The following NEXN variants were observed in gnomAD, a reference collection of about 807,000 sequenced individuals.
The protein encoded by NEXN is nexilin.
In NEXN, 65 loss-of-function variants were observed where a neutral mutation model predicts 92.6. The observed-to-expected ratio is 0.70, with a 90% CI of 0.57 to 0.86. The LOEUF (loss-of-function observed/expected upper bound fraction) is 0.86. Ranked by LOEUF, NEXN falls within the 40% of genes least tolerant of loss-of-function variation. The pLI is 0.00. For missense variants in NEXN, 778 were observed against 771.1 expected, an observed-to-expected ratio of 1.01 and a Z score of -0.11; for synonymous variants, 254 against 242.5, an observed-to-expected ratio of 1.05 and a Z score of -0.44.
chr1:77,908,110 C>T (rs1385167567), intron 1 of NEXN, among the ~76,000 whole-genome samples: 1 of 152,074 alleles, frequency 6.6e-6, no homozygotes, highest in Non-Finnish European at 1.5e-5. Flanking sequence ...CAGTCTCATG[C>T]TTTGTTGCCC....
At chr1:77,927,111 C>T (rs1344570629) in intron 8 of NEXN, among the ~76,000 whole-genome samples, 1 of 152,026 alleles carries the variant, frequency 6.6e-6, no homozygotes, top group Non-Finnish European at 1.5e-5. Context: ...CACCTGAGGT[C>T]AGGAGTTTGA....
In NEXN at chr1:77,926,717, A is replaced by G. The variant is rs1557982088; in HGVS notation, c.689A>G (p.Asp230Gly). ...KEAKCLSLVM[D>G]DEIESEAKKE... ...TGGGTTTTCATAACGTTTTCTTAGG[A>G]TGATGAAATAGAAAGTGAAGCAAAA... Residue 230 changes from aspartate to glycine, a missense_variant and splice_region_variant, in exon 8 of 13, where the codon GAT becomes GGT. By Grantham distance (94) the Asp-to-Gly change is moderately conservative. Around this residue, in one of 3 missense-constraint regions of NEXN, gnomAD observed 236 missense variants for 265.6 expected, o/e 0.89. Transcript: ENST00000334785. 1 of 1,613,898 alleles carries G rather than the reference A, an allele frequency of 6.2e-7. No individual in the cohort carries two copies. Among genetic ancestry groups the G allele is most frequent in the Non-Finnish European group, 8.5e-7 (1 of 1,179,942 alleles).
intron 5 of NEXN, among the ~76,000 whole-genome samples, 181 bp downstream of exon 5, chr1:77,918,454 G>A (rs1353742950): frequency 6.6e-6 from 1 of 151,996 alleles, no homozygotes; most frequent in Non-Finnish European, 1.5e-5. Flanking sequence ...AAGCTGGGTG[G>A]ATCGCTTCGA....
At chr1:77,923,404 A>G (rs1177619147) in intron 5 of NEXN, among the ~76,000 whole-genome samples, 1 of 152,140 alleles carries the variant, frequency 6.6e-6, no homozygotes, top group Admixed American at 6.5e-5. Context: ...AGGGTACAAC[A>G]AAATTCCCTT....
At position 77,942,488 on chromosome 1, in the gene NEXN, G is replaced by A. The variant is rs1060499571; in HGVS notation, c.1687G>A (p.Gly563Ser). ...AAGAGAAGAGGAGGAGGAGGAAGAAGGTAGCATCATGAATGGCTCCACTGC... is the reference window on the plus strand; with the variant it reads ...AAGAGAAGAGGAGGAGGAGGAAGAAAGTAGCATCATGAATGGCTCCACTGC... ...KKREEEEEEEGSIMNGSTAED... is the reference protein window; with the variant it reads ...KKREEEEEEESSIMNGSTAED... Residue 563 changes from glycine to serine, a missense_variant, in exon 13 of 13, where the codon GGT becomes AGT. Gly to Ser is a moderately conservative substitution (Grantham distance 56). Around this residue, in one of 3 missense-constraint regions of NEXN, gnomAD observed 532 missense variants for 476.7 expected, o/e 1.12. Transcript: ENST00000334785. The A allele has an allele frequency of 6.2e-7, 1 of 1,613,804 alleles. No individual in the cohort carries two copies. The highest frequency in any genetic ancestry group is 8.5e-7 in the Non-Finnish European group (1 of 1,179,828).
At chr1:77,911,541 G>A (rs1005645716) in intron 1 of NEXN, among the ~76,000 whole-genome samples, 8 of 151,938 alleles carry the variant, frequency 5.3e-5, no homozygotes, top group Non-Finnish European at 1.0e-4. Context: ...GCAGTGAGCC[G>A]AGATTGCACC....
chr1:77,927,788 G>A (rs563547239), intron 8 of NEXN, among the ~76,000 whole-genome samples: 8 of 151,522 alleles, frequency 5.3e-5, no homozygotes, highest in African/African-American at 1.9e-4. Context: ...TGGTAAAAAT[G>A]AAAGCGCCTA....
In NEXN at chr1:77,943,029, T is replaced by C. The variant is rs536868652; in HGVS notation, c.*200T>C. 3.1e-6 allele frequency: 2 copies of C among 639,452 alleles called. No homozygotes were observed. The highest frequency in any genetic ancestry group is 1.6e-5 in the South Asian group (1 of 62,626). The allele number at this position is 639,452 out of a possible 1,614,324, so 39.6% of individuals were successfully genotyped here. On this transcript the variant is annotated 3_prime_UTR_variant, in exon 13 of 13. Transcript: ENST00000334785. ...GGAGTGCCACTATGCTGACTTCTTA[T>C]TCCTTTTCATAACAGTCTTCAAAGC...
intron 5 of NEXN, among the ~76,000 whole-genome samples, chr1:77,919,664 A>G (rs961025606): frequency 1.3e-5 from 2 of 150,742 alleles, no homozygotes; most frequent in Non-Finnish European, 2.9e-5. Context: ...GCTCGGTGCA[A>G]TCTTGGCTCA....
chr1:77,937,734 C>T (rs1347950582), intron 11 of NEXN, among the ~76,000 whole-genome samples: 1 of 152,094 alleles, frequency 6.6e-6, no homozygotes, highest in Admixed American at 6.6e-5. Context: ...TGAATGACTA[C>T]TATGTTCCAG....
chr1:77,911,950 G>A (rs1426315758), intron 1 of NEXN, among the ~76,000 whole-genome samples: 1 of 150,644 alleles, frequency 6.6e-6, no homozygotes, highest in Non-Finnish European at 1.5e-5. Context: ...GTGGTGGCAC[G>A]CACCTGTAGT....
Position 77,942,818 on chromosome 1 carries a change from A to G in NEXN, c.2017A>G (p.Ser673Gly), listed in dbSNP as rs1651500018. ...TAGTACCTGTATTCTTACCATTGAA[A>G]GTAAGAATTAATCACTCTTTTTATC... ...AASTCILTIE[S>G]KN is the part of the protein sequence containing the mutation. The change falls in exon 13 of 13, where the codon AGT becomes GGT. Residue 673 changes from serine to glycine, a missense_variant. Physicochemically the swap from Ser to Gly is moderately conservative, Grantham distance 56 (BLOSUM62 0). This residue lies in a region of NEXN where 532 missense variants were observed against 476.7 expected (regional missense o/e 1.12). Transcript: ENST00000334785. 1 of 1,600,304 alleles carries G rather than the reference A, an allele frequency of 6.2e-7. No homozygotes were observed. The highest frequency in any genetic ancestry group is 8.6e-7 in the Non-Finnish European group (1 of 1,168,410).
At chr1:77,917,817 G>T (rs1475228086) in intron 3 of NEXN, 60 bp downstream of exon 3, 4 of 1,488,326 alleles carry the variant, frequency 2.7e-6, no homozygotes, top group Non-Finnish European at 2.8e-6. Context: ...CATTTAAATT[G>T]TATTTATTCA....
chr1:77,929,168 C>T, intron 8 of NEXN, 148 bp from the exon 9 acceptor site: 2 of 604,156 alleles, frequency 3.3e-6, no homozygotes, highest in South Asian at 2.1e-5. Context: ...TCATAGAAGA[C>T]ATTAAAAAGG....
chr1:77,918,569 G>A lies in NEXN; in HGVS notation c.447+296G>A, dbSNP rs549647521. The stretch of plus-strand genomic sequence containing the variant: ...TAGTCCCAGCTATTCAGAAGGCTGA[G>A]GTAGGAGGTTCGCTTGAGCCTGAAA... On this transcript the variant is annotated intron_variant, in intron 5 of 12. Transcript: ENST00000334785. Among the ~76,000 whole-genome samples the A allele has an allele frequency of 9.2e-5, 14 of 151,944 alleles. No homozygotes were observed. In the South Asian group the frequency reaches 2.3e-3, roughly 25 times the overall value.
chr1:77,924,653 TTC>T (rs1039527652), intron 5 of NEXN, among the ~76,000 whole-genome samples: 5 of 84,320 alleles, frequency 5.9e-5, no homozygotes, highest in African/African-American at 2.4e-4. Flanking sequence ...TCTTAATTTT[TTC>T]TGTTTTTTTT....
rs1651496583 is a variant in NEXN, at chr1:77,942,802, T to C, written c.2001T>C (p.Cys667=). 2 of 1,610,016 alleles carry C rather than the reference T, an allele frequency of 1.2e-6. No individual in the cohort carries two copies. The part of the protein sequence containing the change: ...VNNKGSAAST[C]ILTIESKN ...ATAAAGGATCTGCAGCTAGTACCTG[T>C]ATTCTTACCATTGAAAGTAAGAATT... is the stretch of plus-strand genomic sequence containing the variant. The change falls in exon 13 of 13, where the codon TGT becomes TGC. Residue 667 remains cysteine, a synonymous_variant. Transcript: ENST00000334785.
At position 77,923,160 on chromosome 1, in the gene NEXN, A is replaced by ATT. The variant is rs763944057; in HGVS notation, c.448-2010_448-2009dup. On this transcript the variant is annotated intron_variant, in intron 5 of 12. Transcript: ENST00000334785. ...AGGTGTGTGCCACGACACCCAGCTA[A>ATT]TTTTTTTTTTTTTTTTTTTGTAGAG... is the stretch of plus-strand genomic sequence containing the variant. Among the ~76,000 whole-genome samples the ATT allele has an allele frequency of 1.1e-3, 138 of 124,366 alleles. 2 individuals are homozygous for ATT. Among genetic ancestry groups the ATT allele is most frequent in the South Asian group, 8.2e-3 (31 of 3,788 alleles). The allele number at this position is 124,366 out of a possible 152,430, so 81.6% of individuals were successfully genotyped here. A position where few individuals can be genotyped will look rare whatever the true frequency, so the allele number is the denominator to read the frequency against.
At position 77,938,695 on chromosome 1, in the gene NEXN, A is replaced by G. The variant is rs184536361; in HGVS notation, c.1473+2651A>G. 2.5e-3 allele frequency among the ~76,000 whole-genome samples: 383 copies of G among 152,052 alleles called. 3 individuals are homozygous for G. Among genetic ancestry groups the G allele is most frequent in the Non-Finnish European group, 3.2e-3 (219 of 68,018 alleles). On this transcript the variant is annotated intron_variant, in intron 11 of 12. Transcript: ENST00000334785. ...ATTACAGAATCAAATTGGGTGGTCA[A>G]TATACCTAGGATATGTTTAACAGGG...
Sources: gnomAD v4.1 joint callset for allele counts (sites outside exome capture counted in the v4.1 genomes callset) on GRCh38, gnomAD v4.1.1 for gene constraint, gnomAD v4.1.1 regional missense constraint, MANE v1.5 for transcripts, NCBI Gene and HGNC (gene_info 2026-07-23, HGNC 2026-07-21) for gene names.